MACROD2: variants seen among roughly 807,000 people sequenced by gnomAD.
The protein encoded by MACROD2 is ADP-ribose glycohydrolase MACROD2.
MACROD2 carries 36 observed loss-of-function variants against 70.4 expected under a neutral mutation model. That is an observed-to-expected ratio of 0.51 (90% CI 0.39 to 0.68). The LOEUF is 0.68. MACROD2 is among the 30% of genes least tolerant of loss of function. The pLI is 0.00. For synonymous variants in MACROD2, 172 were observed against 178.8 expected (o/e 0.96, Z 0.30); for missense variants, 496 against 538.4 (o/e 0.92, Z 0.78).
chr20:14,288,120 TACAAG>T, intron 3 of MACROD2, among the ~76,000 whole-genome samples: 1 of 151,938 alleles, frequency 6.6e-6, no homozygotes, highest in East Asian at 2.0e-4. Flanking sequence ...AGGTACACCC[TACAAG>T]GTAGGGTGTA....
intron 7 of MACROD2, among the ~76,000 whole-genome samples, chr20:15,434,328 C>CAACA (rs1555819666): frequency 8.8e-6 from 1 of 113,898 alleles, no homozygotes; most frequent in Admixed American, 9.6e-5. Context: ...AACATATCAG[C>CAACA]AAGAAAAAAA....
chr20:14,152,122 G>A (rs746392322), intron 3 of MACROD2, among the ~76,000 whole-genome samples: 21 of 151,958 alleles, frequency 1.4e-4, no homozygotes, highest in Non-Finnish European at 2.9e-4. Flanking sequence ...CGCCCAGCCT[G>A]TTGTCTTGTA....
chr20:14,249,581 A>G lies in MACROD2; in HGVS notation c.271+163853A>G, dbSNP rs756129276. 2.0e-5 allele frequency among the ~76,000 whole-genome samples: 3 copies of G among 152,272 alleles called. No individual in the cohort carries two copies. The East Asian group carries it at 5.8e-4, about 29-fold the overall frequency. ...CATCAAAATTAGAGGGCCCAAAGAC[A>G]TAATTCAGAAGTTTGGGATGCAAAC... On this transcript the variant is annotated intron_variant, in intron 3 of 17. Coordinates refer to ENST00000684519, the MANE Select transcript of MACROD2 (RefSeq NM_001351661.2).
chr20:14,926,883 T>C (rs2074239677), intron 5 of MACROD2, among the ~76,000 whole-genome samples: 1 of 152,180 alleles, frequency 6.6e-6, no homozygotes, highest in African/African-American at 2.4e-5. Context: ...TCTTGAATGC[T>C]TCAATAAATA....
intron 6 of MACROD2, among the ~76,000 whole-genome samples, chr20:15,431,202 T>C (rs902815446): frequency 1.3e-5 from 2 of 152,022 alleles, no homozygotes; most frequent in Non-Finnish European, 2.9e-5. Flanking sequence ...CAGTTGGTTC[T>C]CGTGAGCTGA....
intron 3 of MACROD2, among the ~76,000 whole-genome samples, chr20:14,308,575 A>G (rs1435847600): frequency 2.0e-5 from 3 of 152,148 alleles, no homozygotes; most frequent in Non-Finnish European, 4.4e-5. Flanking sequence ...GAAAATTTGA[A>G]AACAGTTCAA....
chr20:14,955,091 A>G (rs1246273267), intron 5 of MACROD2, among the ~76,000 whole-genome samples: 1 of 6,976 alleles, frequency 1.4e-4, no homozygotes, highest in African/African-American at 5.1e-4. Flanking sequence ...TGTATTAAAT[A>G]TATTAAATAT....
intron 4 of MACROD2, among the ~76,000 whole-genome samples, chr20:14,554,967 A>G (rs1978927633): frequency 6.6e-6 from 1 of 151,908 alleles, no homozygotes; most frequent in Non-Finnish European, 1.5e-5. Flanking sequence ...CTTCCTTCAA[A>G]TATATAGGTT....
chr20:15,043,848 C>T (rs1469565680), intron 5 of MACROD2, among the ~76,000 whole-genome samples: 1 of 152,130 alleles, frequency 6.6e-6, no homozygotes, highest in East Asian at 1.9e-4. Flanking sequence ...AGACACTTTA[C>T]TTAATATGAC....
chr20:15,303,762 TC>T (rs1031791577), intron 6 of MACROD2, among the ~76,000 whole-genome samples: 3 of 152,222 alleles, frequency 2.0e-5, no homozygotes, highest in African/African-American at 7.2e-5. Context: ...CGTATTTTTT[TC>T]ATGCCCCCAG....
intron 5 of MACROD2, among the ~76,000 whole-genome samples, chr20:14,704,240 A>G (rs752972698): frequency 3.9e-5 from 6 of 152,122 alleles, no homozygotes; most frequent in Non-Finnish European, 8.8e-5. Context: ...CCAAATCTTC[A>G]TCGTCCCCCA....
chr20:16,027,643 C>T (rs1357065900), intron 15 of MACROD2, among the ~76,000 whole-genome samples: 1 of 152,112 alleles, frequency 6.6e-6, no homozygotes, highest in Non-Finnish European at 1.5e-5. Flanking sequence ...CAGAAGTTGC[C>T]CCCACTGTGG....
chr20:15,576,619 G>T (rs1018106333), intron 8 of MACROD2, among the ~76,000 whole-genome samples: 3 of 148,980 alleles, frequency 2.0e-5, no homozygotes, highest in African/African-American at 7.4e-5. Context: ...TGACCTTTGG[G>T]TGAGGCTCAC....
intron 3 of MACROD2, among the ~76,000 whole-genome samples, chr20:14,246,409 C>T (rs765583854): frequency 1.1e-4 from 17 of 152,272 alleles, no homozygotes; most frequent in African/African-American, 3.9e-4. Context: ...GACTCTCCGC[C>T]GAGGAAATTC....
intron 4 of MACROD2, among the ~76,000 whole-genome samples, chr20:14,528,661 C>T (rs751004217): frequency 9.9e-5 from 15 of 151,234 alleles, no homozygotes; most frequent in Admixed American, 2.0e-4. Flanking sequence ...TTTCTTTTTG[C>T]GGGGGTTGGG....
chr20:14,667,798 T>C (rs186720570), intron 4 of MACROD2, among the ~76,000 whole-genome samples: 32 of 152,284 alleles, frequency 2.1e-4, no homozygotes, highest in African/African-American at 7.2e-4. Context: ...TCTTCTCTCC[T>C]ATAGCCACTG....
chr20:14,255,687 A>T (rs960191427), intron 3 of MACROD2, among the ~76,000 whole-genome samples: 12 of 44,938 alleles, frequency 2.7e-4, no homozygotes, highest in African/African-American at 6.2e-4. Context: ...AAAGTATAAT[A>T]AATAAATAAA....
intron 15 of MACROD2, among the ~76,000 whole-genome samples, chr20:16,023,864 C>G (rs1302357422): frequency 6.6e-6 from 1 of 152,114 alleles, no homozygotes; most frequent in East Asian, 1.9e-4. Flanking sequence ...AAATGATTCC[C>G]AAATTCTATG....
At chr20:14,539,341 T>C (rs2085403470) in intron 4 of MACROD2, among the ~76,000 whole-genome samples, 1 of 152,246 alleles carries the variant, frequency 6.6e-6, no homozygotes. Context: ...TCAATAATCA[T>C]ACACAGAATT....
Sources: gnomAD v4.1 joint callset for allele counts (sites outside exome capture counted in the v4.1 genomes callset) on GRCh38, gnomAD v4.1.1 for gene constraint, MANE v1.5 for transcripts, NCBI Gene and HGNC (gene_info 2026-07-23, HGNC 2026-07-21) for gene names.